The following PALM2AKAP2 variants were observed in gnomAD, a reference collection of about 807,000 sequenced individuals.
PALM2AKAP2 encodes PALM2 and AKAP2 fusion.
PALM2AKAP2 carries 37 observed loss-of-function variants against 71.5 expected under a neutral mutation model. The observed-to-expected ratio is 0.52, with a 90% CI of 0.40 to 0.68. The LOEUF (loss-of-function observed/expected upper bound fraction) is 0.68. Among genes scored for constraint, PALM2AKAP2 ranks in the 30% least tolerant of loss-of-function variants. The pLI, the probability that PALM2AKAP2 is intolerant of heterozygous loss-of-function variation, is 0.00. For missense variants in PALM2AKAP2, 1,224 were observed against 1,191.8 expected (o/e 1.03, Z -0.40); for synonymous variants, 468 against 478.8 (o/e 0.98, Z 0.29).
chr9:109,687,868 T>C (rs1039453988), intron 1 of PALM2AKAP2, among the ~76,000 whole-genome samples: 34 of 152,224 alleles, frequency 2.2e-4, no homozygotes, highest in African/African-American at 8.0e-4. Context: ...ACTCTTCCTT[T>C]CACTTGAACA....
chr9:109,993,566 A>T (rs951684307), intron 6 of PALM2AKAP2, among the ~76,000 whole-genome samples: 5 of 152,202 alleles, frequency 3.3e-5, no homozygotes, highest in Admixed American at 6.5e-5. Context: ...GGAATAGAAG[A>T]GGGTAGCAGC....
intron 1 of PALM2AKAP2, among the ~76,000 whole-genome samples, chr9:109,788,336 T>C (rs1160368099): frequency 6.6e-6 from 1 of 152,180 alleles, no homozygotes; most frequent in Non-Finnish European, 1.5e-5. Flanking sequence ...TAATGGACAT[T>C]GTAGGGAGAT....
intron 1 of PALM2AKAP2, among the ~76,000 whole-genome samples, chr9:109,719,261 A>C (rs1271444536): frequency 6.6e-6 from 1 of 152,214 alleles, no homozygotes; most frequent in East Asian, 1.9e-4. Context: ...ATAAGAGATC[A>C]GTTGTGAAAG....
chr9:109,766,747 C>G (rs188679580), intron 1 of PALM2AKAP2, among the ~76,000 whole-genome samples: 1 of 152,260 alleles, frequency 6.6e-6, no homozygotes, highest in East Asian at 1.9e-4. Flanking sequence ...TCCTCATCAG[C>G]AGAATAATAA....
intron 6 of PALM2AKAP2, among the ~76,000 whole-genome samples, chr9:109,985,938 C>T (rs944665391): frequency 4.6e-5 from 7 of 152,164 alleles, no homozygotes; most frequent in African/African-American, 9.6e-5. Flanking sequence ...ACATGAGCCA[C>T]TGCACCCGGC....
chr9:109,731,112 G>A (rs931475364), intron 1 of PALM2AKAP2, among the ~76,000 whole-genome samples: 2 of 152,122 alleles, frequency 1.3e-5, no homozygotes, highest in Non-Finnish European at 2.9e-5. Flanking sequence ...GTATATTGAC[G>A]TTAACTTATA....
chr9:109,786,104 A>G (rs1295787286), intron 1 of PALM2AKAP2, among the ~76,000 whole-genome samples: 1 of 152,226 alleles, frequency 6.6e-6, no homozygotes, highest in Non-Finnish European at 1.5e-5. Flanking sequence ...AGAAGTGCTC[A>G]TTGGCTTTTC....
At chr9:109,886,517 C>G (rs1417476287) in intron 3 of PALM2AKAP2, among the ~76,000 whole-genome samples, 2 of 152,068 alleles carry the variant, frequency 1.3e-5, no homozygotes, top group African/African-American at 4.8e-5. Context: ...GCAGACCAAC[C>G]CCAGTGAAGA....
At chr9:110,147,066 C>T (rs979220725) in intron 2 of PALM2AKAP2, among the ~76,000 whole-genome samples, 1 of 152,044 alleles carries the variant, frequency 6.6e-6, no homozygotes, top group Non-Finnish European at 1.5e-5. Flanking sequence ...GCCTGGTCAA[C>T]ACAGTGAAAC....
At chr9:109,640,996 C>T in intron 1 of PALM2AKAP2, 3 of 1,310,518 alleles carry the variant, frequency 2.3e-6, no homozygotes, top group Non-Finnish European at 3.0e-6. Flanking sequence ...CGTGTGTACG[C>T]CTGGTGTTTC....
intron 2 of PALM2AKAP2, among the ~76,000 whole-genome samples, chr9:109,879,209 G>A (rs16914575): frequency 0.099 from 15,136 of 152,148 alleles, 1,259 homozygotes; most frequent in African/African-American, 0.22. Flanking sequence ...CTTTCACCTC[G>A]CTCACCCTGC....
At chr9:109,832,541 G>A (rs141336466) in intron 1 of PALM2AKAP2, among the ~76,000 whole-genome samples, 101 of 152,340 alleles carry the variant, frequency 6.6e-4, no homozygotes, top group African/African-American at 2.3e-3. Context: ...ATAATCTGAG[G>A]TTGGTTGCTG....
intron 3 of PALM2AKAP2, among the ~76,000 whole-genome samples, chr9:109,893,459 T>TTTTGTTTTGC (rs1830132619): frequency 6.6e-6 from 1 of 152,102 alleles, no homozygotes; most frequent in African/African-American, 2.4e-5. Context: ...TTTTGTTTTG[T>TTTTGTTTTGC]TTTTGAGACA....
At chr9:110,116,518 G>A (rs117405090) in intron 1 of PALM2AKAP2, among the ~76,000 whole-genome samples, 3,113 of 152,268 alleles carry the variant, frequency 0.02, 49 homozygotes, top group Non-Finnish European at 0.029. Flanking sequence ...TTAGAATAAT[G>A]GATAAGCCGG....
At chr9:109,645,026 A>G (rs1470033255) in intron 1 of PALM2AKAP2, among the ~76,000 whole-genome samples, 1 of 152,180 alleles carries the variant, frequency 6.6e-6, no homozygotes, top group Non-Finnish European at 1.5e-5. Flanking sequence ...AGTTGGCTTC[A>G]CAGTTTTGAC....
At chr9:109,700,009 C>T (rs1175116550) in intron 1 of PALM2AKAP2, among the ~76,000 whole-genome samples, 2 of 152,132 alleles carry the variant, frequency 1.3e-5, no homozygotes, top group Non-Finnish European at 2.9e-5. Flanking sequence ...CTCCTGACCT[C>T]GTAATCTGCC....
chr9:109,831,715 A>G (rs528099669), intron 1 of PALM2AKAP2, among the ~76,000 whole-genome samples: 1 of 152,338 alleles, frequency 6.6e-6, no homozygotes. Context: ...CTTGACCATC[A>G]GTAGAAAATA....
intron 1 of PALM2AKAP2, among the ~76,000 whole-genome samples, chr9:110,101,511 C>G (rs78589604): frequency 6.6e-6 from 1 of 152,048 alleles, no homozygotes; most frequent in Non-Finnish European, 1.5e-5. Context: ...GGTAGTCACA[C>G]GCTTTCAGGG....
chr9:109,772,895 G>A (rs1474100206), intron 1 of PALM2AKAP2, among the ~76,000 whole-genome samples: 1 of 152,208 alleles, frequency 6.6e-6, no homozygotes, highest in African/African-American at 2.4e-5. Flanking sequence ...GAAGCGGGCG[G>A]ATCACGAGGT....
Sources: allele counts gnomAD v4.1 joint callset (sites outside exome capture counted in the v4.1 genomes callset), GRCh38; gene constraint gnomAD v4.1.1; transcripts MANE v1.5; gene names NCBI Gene and HGNC (gene_info 2026-07-23, HGNC 2026-07-21).